The following DHX37 variants were observed in gnomAD, a reference collection of about 807,000 sequenced individuals.
DHX37 encodes the protein DEAH-box helicase 37, also known as probable ATP-dependent RNA helicase DHX37.
Under a neutral mutation model 134.3 loss-of-function variants are expected in DHX37, and 52 were observed. That is an observed-to-expected ratio of 0.39 (90% CI 0.31 to 0.49). The LOEUF (loss-of-function observed/expected upper bound fraction) is 0.49. DHX37 is among the 20% of genes least tolerant of loss of function. The pLI is 0.93. For synonymous variants in DHX37, 634 were observed against 670.7 expected (o/e 0.95, Z 0.85); for missense variants, 1,344 against 1,580.8 (o/e 0.85, Z 2.54).
chr12:124,985,503 G>T (rs184583733), intron 2 of DHX37, among the ~76,000 whole-genome samples: 1 of 151,278 alleles, frequency 6.6e-6, no homozygotes, highest in Non-Finnish European at 1.5e-5. Context: ...TTGGGAGGCC[G>T]AGGCGGGCGG....
chr12:124,982,529 C>A lies in DHX37; in HGVS notation c.371G>T (p.Arg124Leu). The A allele has an allele frequency of 6.2e-7, 1 of 1,613,440 alleles. No individual in the cohort carries two copies. Among genetic ancestry groups the A allele is most frequent in the Non-Finnish European group, 8.5e-7 (1 of 1,179,608 alleles). ...YTTSKLGTGN[R>L]MYHTKEKADE... ...AACTCACTCTTTGGTGTGATACATGCGGTTCCCAGTGCCTAGCTTGGAAGT... is the reference window on the plus strand; with the variant it reads ...AACTCACTCTTTGGTGTGATACATGAGGTTCCCAGTGCCTAGCTTGGAAGT... Residue 124 changes from arginine to leucine, a missense_variant, in exon 3 of 27, where the codon CGC (arginine) becomes CTC (leucine). Physicochemically the swap from Arg to Leu is moderately radical, Grantham distance 102. Transcript: ENST00000308736.
At position 124,971,293 on chromosome 12, in the gene DHX37, C is replaced by T. The variant is rs201692555; in HGVS notation, c.1191+9G>A. On this transcript the variant is annotated intron_variant, in intron 8 of 26. Coordinates refer to ENST00000308736, the MANE Select transcript of DHX37 (RefSeq NM_032656.4). ...CTCGGGGCTCCCCAGCACCCGCCTC[C>T]TGCGCTACCTTAGCCCGGAGAGTCA... 520 of 1,611,400 alleles carry T rather than the reference C, an allele frequency of 3.2e-4. No homozygotes were observed. The highest frequency in any genetic ancestry group is 4.1e-4 in the Non-Finnish European group (478 of 1,179,628).
chr12:124,956,718 A>G lies in DHX37; in HGVS notation c.2426T>C (p.Val809Ala). 6.3e-7 allele frequency: 1 copy of G among 1,585,860 alleles called. No individual in the cohort carries two copies. Among genetic ancestry groups the G allele is most frequent in the Non-Finnish European group, 8.6e-7 (1 of 1,159,844 alleles). ...YAITIVASMT[V>A]RELFEELDRP... The stretch of plus-strand genomic sequence containing the variant: ...GTCCAGCTCCTCAAACAGCTCCCGC[A>G]CCGTCATGCTGGCCACGATGGTGAT... Residue 809 changes from valine to alanine, a missense_variant, in exon 18 of 27, where the codon GTG becomes GCG. Physicochemically the swap from Val to Ala is moderately conservative, Grantham distance 64. This residue lies in a region of DHX37 where 558 missense variants were observed against 650.0 expected (regional missense o/e 0.86). Coordinates refer to ENST00000308736, the MANE Select transcript of DHX37 (RefSeq NM_032656.4).
rs531807352 is a variant in DHX37, at chr12:124,947,808, G to T, written c.3468C>A (p.Val1156=). The change falls in exon 27 of 27, where the codon GTC becomes GTA. Residue 1156 remains valine, a synonymous_variant. Transcript: ENST00000308736. ...DIEKAWPPTT[V]H ...CCTGCAGCCAGGTTTCTGGTCAGTG[G>T]ACAGTGGTGGGGGGCCAGGCTTTCT... is the stretch of plus-strand genomic sequence containing the variant. 2.9e-5 allele frequency: 46 copies of T among 1,580,740 alleles called. 1 individual carries two copies. In the South Asian group the frequency reaches 5.2e-4, roughly 18 times the overall value.
chr12:124,968,813 C>G, intron 9 of DHX37, 54 bp downstream of exon 9: 2 of 1,609,044 alleles, frequency 1.2e-6, no homozygotes, highest in South Asian at 1.1e-5. Context: ...GCTCCCGACA[C>G]CAGGGCGTCC....
chr12:124,980,816 G>A lies in DHX37; in HGVS notation c.412C>T (p.Pro138Ser). Reference sequence around the variant, plus strand: ...AGGCTACTGATCTTCTCCTGGCCCGGGGCTACCACCTCGTCAGCCTTCCTG... The same window carrying A: ...AGGCTACTGATCTTCTCCTGGCCCGAGGCTACCACCTCGTCAGCCTTCCTG... ...TKEKADEVVA[P>S]GQEKISSLSG... Residue 138 changes from proline to serine, a missense_variant, in exon 4 of 27, where the codon CCG (proline) becomes TCG (serine). By Grantham distance (74) the Pro-to-Ser change is moderately conservative. This residue lies in a region of DHX37 where 319 missense variants were observed against 296.1 expected (regional missense o/e 1.08). Coordinates refer to ENST00000308736, the MANE Select transcript of DHX37 (RefSeq NM_032656.4). This position sits in a 1 kb window ranked among gnomAD's most constrained non-coding sequence, Gnocchi z 5.3. 1 of 1,555,938 alleles carries A rather than the reference G, an allele frequency of 6.4e-7. No homozygotes were observed. Among genetic ancestry groups the A allele is most frequent in the East Asian group, 2.4e-5 (1 of 41,782 alleles).
rs35528941 is a variant in DHX37, at chr12:124,958,910, C to CT, written c.2157+1401dup. Reference sequence around the variant, plus strand: ...AAGTGCTGTGAGCCAATGCACCCAGCTTTTTTTTTTTTTTTTTGGGACGGA... The same window carrying CT: ...AAGTGCTGTGAGCCAATGCACCCAGCTTTTTTTTTTTTTTTTTTGGGACGGA... On this transcript the variant is annotated intron_variant, in intron 16 of 26. Transcript: ENST00000308736. Among the ~76,000 whole-genome samples the CT allele has an allele frequency of 4.3e-3, 526 of 122,430 alleles. 3 individuals carry two copies. Among genetic ancestry groups the CT allele is most frequent in the South Asian group, 0.014 (53 of 3,786 alleles). The allele number at this position is 122,430 out of a possible 152,430, so 80.3% of individuals were successfully genotyped here. A position where few individuals can be genotyped will look rare whatever the true frequency, so the allele number is the denominator to read the frequency against.
chr12:124,979,733 C>T (rs73229583), intron 4 of DHX37, among the ~76,000 whole-genome samples: 4,654 of 152,294 alleles, frequency 0.031, 97 homozygotes, highest in Middle Eastern at 0.088. Context: ...GGAGGCCAAG[C>T]CCCTGAGTGA....
chr12:124,967,157 C>T lies in DHX37; in HGVS notation c.1470G>A (p.Arg490=). ...AEVHALCRRL[R]KAFPPSRARP... ...GGGCTCTGGAGGGTGGGAAAGCCTTCCTGAGCCTGCGGCACAGCGCATGCA... is the reference window on the plus strand; with the variant it reads ...GGGCTCTGGAGGGTGGGAAAGCCTTTCTGAGCCTGCGGCACAGCGCATGCA... The change falls in exon 11 of 27, where the codon AGG becomes AGA. Residue 490 remains arginine (R), a synonymous_variant. Transcript: ENST00000308736. The T allele has an allele frequency of 1.2e-6, 2 of 1,613,860 alleles. No homozygotes were observed. The highest frequency in any genetic ancestry group is 1.7e-6 in the Non-Finnish European group (2 of 1,180,038).
Position 124,956,997 on chromosome 12 carries a change from C to T in DHX37, c.2264+32G>A, listed in dbSNP as rs1222551523. 3.9e-6 allele frequency: 6 copies of T among 1,525,886 alleles called. No individual in the cohort carries two copies. In the Middle Eastern group the frequency reaches 5.3e-4, roughly 135 times the overall value. 94.5% of individuals were successfully genotyped at this position (1,525,886 alleles called of 1,614,324 possible). On this transcript the variant is annotated intron_variant, in intron 17 of 26. Coordinates refer to ENST00000308736, the MANE Select transcript of DHX37 (RefSeq NM_032656.4). The stretch of plus-strand genomic sequence containing the variant: ...AAGGGAGAGAGGGCCCTGAACGGGG[C>T]AGGAACTGGGCTCTGCATCTCTTGG...
intron 16 of DHX37, 24 bp downstream of exon 16, chr12:124,960,288 G>A: frequency 2.5e-6 from 4 of 1,602,034 alleles, no homozygotes; most frequent in Non-Finnish European, 3.4e-6. Context: ...GTGGCTGAGA[G>A]CGGGGCTGGG....
intron 1 of DHX37, among the ~76,000 whole-genome samples, chr12:124,988,283 C>T (rs1671590172): frequency 6.6e-6 from 1 of 152,152 alleles, no homozygotes; most frequent in Non-Finnish European, 1.5e-5. Flanking sequence ...GGCAGCCACT[C>T]AGGTCTCCTT....
Position 124,966,782 on chromosome 12 carries a change from C to G in DHX37, c.1590+11G>C, listed in dbSNP as rs374120943. 14 of 1,614,052 alleles carry G rather than the reference C, an allele frequency of 8.7e-6. No individual in the cohort carries two copies. In the African/African-American group the frequency reaches 9.3e-5, roughly 11 times the overall value. On this transcript the variant is annotated intron_variant, in intron 12 of 26. Coordinates refer to ENST00000308736, the MANE Select transcript of DHX37 (RefSeq NM_032656.4). ...TTACTCTCCAGGAGTCCCTGCCAGCCCCCCACGTACCTCAGCCCGCGCCTT... is the reference window on the plus strand; with the variant it reads ...TTACTCTCCAGGAGTCCCTGCCAGCGCCCCACGTACCTCAGCCCGCGCCTT...
Position 124,971,398 on chromosome 12 carries a change from C to T in DHX37, c.1095G>A (p.Arg365=). 6.2e-7 allele frequency: 1 copy of T among 1,613,306 alleles called. No individual in the cohort carries two copies. The highest frequency in any genetic ancestry group is 8.5e-7 in the Non-Finnish European group (1 of 1,180,002). The change falls in exon 8 of 27, where the codon CGG becomes CGA. Residue 365 remains arginine (R), a synonymous_variant. Coordinates refer to ENST00000308736, the MANE Select transcript of DHX37 (RefSeq NM_032656.4). ...CCTCGTCGATGATCACCACCTTGTA[C>T]CGCAGCAGCAGGAAGTCCTGGGGGG... ...KEIQKDFLLL[R]YKVVIIDEAH...
intron 10 of DHX37, among the ~76,000 whole-genome samples, chr12:124,968,129 A>G (rs572668802): frequency 4.6e-5 from 7 of 152,218 alleles, no homozygotes; most frequent in African/African-American, 1.7e-4. Context: ...TCACACAGAA[A>G]GGTCACATCC....
chr12:124,972,834 C>T (rs1023899893), intron 6 of DHX37, among the ~76,000 whole-genome samples: 9 of 152,270 alleles, frequency 5.9e-5, no homozygotes, highest in Admixed American at 1.3e-4. Context: ...CTGAACACCT[C>T]GGCCAGAGCC....
At position 124,980,354 on chromosome 12, in the gene DHX37, A is replaced by T. The variant is rs949719067; in HGVS notation, c.738+136T>A. On this transcript the variant is annotated intron_variant, in intron 4 of 26. Coordinates refer to ENST00000308736, the MANE Select transcript of DHX37 (RefSeq NM_032656.4). This position sits in a 1 kb window ranked among gnomAD's most constrained non-coding sequence, Gnocchi z 5.3. ...CCTGCCACAGCCTCAAGGGAGGCGC[A>T]GTCACTCTCCCCTTTCCCAGATGGG... is the stretch of plus-strand genomic sequence containing the variant. 1 of 1,015,466 alleles carries T rather than the reference A, an allele frequency of 9.8e-7. No individual in the cohort carries two copies. Among genetic ancestry groups the T allele is most frequent in the Non-Finnish European group, 1.4e-6 (1 of 720,136 alleles). The allele number at this position is 1,015,466 out of a possible 1,614,324, so 62.9% of individuals were successfully genotyped here. A position where few individuals can be genotyped will look rare whatever the true frequency, so the allele number is the denominator to read the frequency against.
At chr12:124,985,465 G>A (rs967097744) in intron 2 of DHX37, among the ~76,000 whole-genome samples, 4 of 152,084 alleles carry the variant, frequency 2.6e-5, no homozygotes, top group African/African-American at 7.2e-5. Context: ...GGCTGGGCAT[G>A]GTGGTTCACG....
Position 124,967,284 on chromosome 12 carries a change from C to T in DHX37, c.1409-66G>A, listed in dbSNP as rs1054825003. ...CACAAACATTTGCTTAGCAAAAGCA[C>T]CTGCCAAGCCATGCTCTGAGAGGCA... On this transcript the variant is annotated intron_variant, in intron 10 of 26. Coordinates refer to ENST00000308736, the MANE Select transcript of DHX37 (RefSeq NM_032656.4). 1.7e-5 allele frequency: 26 copies of T among 1,535,632 alleles called. No individual in the cohort carries two copies. In the East Asian group the frequency reaches 5.8e-4, roughly 34 times the overall value.
Sources: allele counts gnomAD v4.1 joint callset (sites outside exome capture counted in the v4.1 genomes callset), GRCh38; gene constraint gnomAD v4.1.1; regional missense constraint gnomAD v4.1.1; non-coding constraint Gnocchi (gnomAD v3.1); transcripts MANE v1.5; gene names NCBI Gene and HGNC (gene_info 2026-07-23, HGNC 2026-07-21).